KIRREL1: variants seen among roughly 807,000 people sequenced by gnomAD.
The protein encoded by KIRREL1 is kirre like nephrin family adhesion molecule 1, also known as kin of IRRE-like protein 1.
KIRREL1 carries 25 observed loss-of-function variants against 83.3 expected under a neutral mutation model. The observed-to-expected ratio is 0.30, with a 90% CI of 0.22 to 0.42. The LOEUF (loss-of-function observed/expected upper bound fraction) is 0.42. Ranked by LOEUF, KIRREL1 falls within the 10% of genes least tolerant of loss-of-function variation. The pLI is 1.00. For synonymous variants in KIRREL1, 388 were observed against 410.4 expected (o/e 0.95, Z 0.66); for missense variants, 812 against 1,032.3 (o/e 0.79, Z 2.92).
At chr1:158,046,558 C>T (rs902843035) in intron 1 of KIRREL1, among the ~76,000 whole-genome samples, 8 of 151,756 alleles carry the variant, frequency 5.3e-5, no homozygotes, top group African/African-American at 1.7e-4. Context: ...AACAAGGGAG[C>T]GAACCAAGAG....
At chr1:158,055,478 G>A (rs1286673143) in intron 1 of KIRREL1, among the ~76,000 whole-genome samples, 3 of 152,212 alleles carry the variant, frequency 2.0e-5, no homozygotes, top group Non-Finnish European at 4.4e-5. Context: ...GGTGAATTAT[G>A]TATCAGTAGC....
At chr1:158,074,029 T>C (rs774199215) in intron 1 of KIRREL1, among the ~76,000 whole-genome samples, 2 of 152,228 alleles carry the variant, frequency 1.3e-5, no homozygotes, top group African/African-American at 2.4e-5. Context: ...TTGCAGCATA[T>C]AGCTGCACTA....
chr1:158,054,395 T>G (rs185640532), intron 1 of KIRREL1, among the ~76,000 whole-genome samples: 54 of 152,116 alleles, frequency 3.5e-4, no homozygotes, highest in African/African-American at 1.2e-3. Context: ...TATGGAACCA[T>G]CATCATTACT....
chr1:158,050,395 A>G lies in KIRREL1; in HGVS notation c.53-25718A>G, dbSNP rs533373754. Among the ~76,000 whole-genome samples the G allele has an allele frequency of 1.6e-4, 25 of 152,174 alleles. No individual in the cohort carries two copies. In the South Asian group the frequency reaches 3.5e-3, roughly 22 times the overall value. ...TTCCCCAAGGTCACACAGCTGGTCAACAGTAAAGCCAGAATTGTAACTCTG... is the reference window on the plus strand; with the variant it reads ...TTCCCCAAGGTCACACAGCTGGTCAGCAGTAAAGCCAGAATTGTAACTCTG... On this transcript the variant is annotated intron_variant, in intron 1 of 14. Transcript: ENST00000359209.
At chr1:158,080,747 A>G (rs1240026472) in intron 3 of KIRREL1, among the ~76,000 whole-genome samples, 2 of 152,110 alleles carry the variant, frequency 1.3e-5, no homozygotes, top group Non-Finnish European at 2.9e-5. Flanking sequence ...TGAGCAGACC[A>G]GGAGGCCCTT....
In KIRREL1 at chr1:158,050,094, GGT is replaced by G. The variant is rs747402914; in HGVS notation, c.53-26007_53-26006del. Among the ~76,000 whole-genome samples, 10 of 152,082 alleles carry G rather than the reference GGT, an allele frequency of 6.6e-5. No individual in the cohort carries two copies. In the East Asian group the frequency reaches 9.7e-4, roughly 15 times the overall value. ...CTGGAAGTGGAGACTGGAGGAGAGA[GGT>G]GTGTGTGTGTGCACATGCCTGTGAG... On this transcript the variant is annotated intron_variant, in intron 1 of 14. Coordinates refer to ENST00000359209, the MANE Select transcript of KIRREL1 (RefSeq NM_018240.7).
In KIRREL1 at chr1:158,095,121, G is replaced by A. The variant is rs1015872633; in HGVS notation, c.*1G>A. ...GCAGCGCATGCAGACTCACGTGTAGGGGCCAGAGCCTGGCTGGGGCATCTC... is the reference window on the plus strand; with the variant it reads ...GCAGCGCATGCAGACTCACGTGTAGAGGCCAGAGCCTGGCTGGGGCATCTC... On this transcript the variant is annotated 3_prime_UTR_variant, in exon 15 of 15. Transcript: ENST00000359209. 1.9e-6 allele frequency: 3 copies of A among 1,581,660 alleles called. No individual in the cohort carries two copies. In the African/African-American group the frequency reaches 4.0e-5, roughly 21 times the overall value.
intron 1 of KIRREL1, among the ~76,000 whole-genome samples, chr1:158,034,177 G>A (rs1180044039): frequency 1.3e-5 from 2 of 150,930 alleles, no homozygotes; most frequent in Middle Eastern, 3.2e-3. Context: ...GGAGGCTGAG[G>A]GAGAATGGCG....
chr1:158,075,853 T>A (rs575757564), intron 1 of KIRREL1, among the ~76,000 whole-genome samples: 2 of 152,322 alleles, frequency 1.3e-5, no homozygotes, highest in African/African-American at 2.4e-5. Context: ...GGCCCTTCTG[T>A]AACAGTGCAC....
chr1:158,005,795 A>G (rs1659501697), intron 1 of KIRREL1, among the ~76,000 whole-genome samples: 1 of 151,980 alleles, frequency 6.6e-6, no homozygotes, highest in South Asian at 2.1e-4. Flanking sequence ...AGACCTCATA[A>G]TTGTTCAACC....
chr1:158,004,503 G>A (rs924300799), intron 1 of KIRREL1, among the ~76,000 whole-genome samples: 3 of 152,184 alleles, frequency 2.0e-5, no homozygotes, highest in Admixed American at 2.0e-4. Context: ...TCTGTGTCTT[G>A]GATCTGGAAA....
At chr1:158,023,659 T>C (rs762011680) in intron 1 of KIRREL1, among the ~76,000 whole-genome samples, 1 of 152,200 alleles carries the variant, frequency 6.6e-6, no homozygotes, top group Non-Finnish European at 1.5e-5. Flanking sequence ...GCCATTAATA[T>C]CCTGGGTGCA....
chr1:158,039,797 CTG>C (rs1272005470), intron 1 of KIRREL1, among the ~76,000 whole-genome samples: 1 of 152,182 alleles, frequency 6.6e-6, no homozygotes, highest in Admixed American at 6.5e-5. Context: ...ATGTTGCTAC[CTG>C]TGTTGGTGTG....
chr1:157,996,244 A>T (rs1659196027), intron 1 of KIRREL1, among the ~76,000 whole-genome samples: 1 of 152,088 alleles, frequency 6.6e-6, no homozygotes, highest in Non-Finnish European at 1.5e-5. Flanking sequence ...AATTTTCTGT[A>T]TCTTATCTAA....
chr1:158,067,829 C>T (rs535256619), intron 1 of KIRREL1, among the ~76,000 whole-genome samples: 3 of 152,354 alleles, frequency 2.0e-5, no homozygotes, highest in Non-Finnish European at 4.4e-5. Context: ...CTTGCCCTGT[C>T]ACTGTAAGCA....
In KIRREL1 at chr1:158,057,038, C is replaced by A. The variant is rs1263025958; in HGVS notation, c.53-19075C>A. On this transcript the variant is annotated intron_variant, in intron 1 of 14. Transcript: ENST00000359209. ...CTTCTCCTAGGAGGACCCCAGCATTCCTTCCTTCGTTCATTCATCAAACCC... is the reference window on the plus strand; with the variant it reads ...CTTCTCCTAGGAGGACCCCAGCATTACTTCCTTCGTTCATTCATCAAACCC... Among the ~76,000 whole-genome samples, 5 of 152,180 alleles carry A rather than the reference C, an allele frequency of 3.3e-5. No individual in the cohort carries two copies. The East Asian group carries it at 7.7e-4, about 23-fold the overall frequency.
At chr1:158,054,809 A>G (rs1661007888) in intron 1 of KIRREL1, among the ~76,000 whole-genome samples, 1 of 152,102 alleles carries the variant, frequency 6.6e-6, no homozygotes, top group Non-Finnish European at 1.5e-5. Context: ...ACAAATATTT[A>G]TTTTATCAAG....
chr1:158,041,250 G>C (rs1427892131), intron 1 of KIRREL1, among the ~76,000 whole-genome samples: 1 of 152,136 alleles, frequency 6.6e-6, no homozygotes, highest in Non-Finnish European at 1.5e-5. Flanking sequence ...CTGTGGACAG[G>C]CCACTCATTT....
At chr1:158,028,639 G>A (rs1660236597) in intron 1 of KIRREL1, among the ~76,000 whole-genome samples, 1 of 152,172 alleles carries the variant, frequency 6.6e-6, no homozygotes, top group African/African-American at 2.4e-5. Context: ...GATTTGCTCA[G>A]TTGTTATTTT....
Sources: allele counts gnomAD v4.1 joint callset (sites outside exome capture counted in the v4.1 genomes callset), GRCh38; gene constraint gnomAD v4.1.1; transcripts MANE v1.5; gene names NCBI Gene and HGNC (gene_info 2026-07-23, HGNC 2026-07-21).